Variants in LYPD6B observed in about 807,000 individuals in gnomAD.
LYPD6B encodes ly6/PLAUR domain-containing protein 6B.
A neutral mutation model predicts 22.8 loss-of-function variants in LYPD6B; 17 were observed. The ratio of observed to expected loss-of-function variants is 0.75; its 90% CI spans 0.51 to 1.12. The LOEUF is 1.12. Ranked by LOEUF, LYPD6B falls within the 50% of genes most tolerant of loss-of-function variation. LYPD6B has a pLI of 0.00. For missense variants in LYPD6B, 221 were observed against 258.3 expected, an observed-to-expected ratio of 0.86 and a Z score of 0.99; for synonymous variants, 106 against 91.6, an observed-to-expected ratio of 1.16 and a Z score of -0.90.
intron 1 of LYPD6B, among the ~76,000 whole-genome samples, chr2:149,069,763 A>G (rs1684513775): frequency 6.6e-6 from 1 of 152,202 alleles, no homozygotes; most frequent in East Asian, 1.9e-4. Flanking sequence ...CCAGTTGTCC[A>G]TAGTGCTGAG....
chr2:149,107,339 G>T (rs570292674), intron 1 of LYPD6B, among the ~76,000 whole-genome samples: 1 of 152,186 alleles, frequency 6.6e-6, no homozygotes, highest in African/African-American at 2.4e-5. Context: ...AAGCTGGACC[G>T]TGTGATATTT....
intron 3 of LYPD6B, among the ~76,000 whole-genome samples, chr2:149,185,785 A>C (rs1692057645): frequency 6.6e-6 from 1 of 152,318 alleles, no homozygotes; most frequent in Non-Finnish European, 1.5e-5. Context: ...TCTCTTCATC[A>C]CATTTTGGTA....
intron 3 of LYPD6B, among the ~76,000 whole-genome samples, chr2:149,189,353 TATATATATATATATAC>T (rs1471599117): frequency 1.1e-5 from 1 of 92,510 alleles, no homozygotes; most frequent in Non-Finnish European, 2.5e-5. Flanking sequence ...TATATATATA[TATATATATATATATAC>T]ACACACATAT....
intron 1 of LYPD6B, among the ~76,000 whole-genome samples, chr2:149,090,239 C>A (rs1685588850): frequency 6.6e-6 from 1 of 152,166 alleles, no homozygotes; most frequent in African/African-American, 2.4e-5. Flanking sequence ...TTTTGAAGGG[C>A]ATAAATCCAG....
At chr2:149,104,960 T>C (rs1525173) in intron 1 of LYPD6B, among the ~76,000 whole-genome samples, 56,068 of 152,062 alleles carry the variant, frequency 0.37, 10,748 homozygotes, top group Non-Finnish European at 0.39. Flanking sequence ...GGGTACGATG[T>C]GATGTTTCAA....
intron 3 of LYPD6B, among the ~76,000 whole-genome samples, chr2:149,184,654 C>T (rs944750155): frequency 6.6e-6 from 1 of 152,146 alleles, no homozygotes; most frequent in African/African-American, 2.4e-5. Context: ...TGTTGTTTTC[C>T]TGATGGAAGT....
rs186945807 is a variant in LYPD6B at position 149,162,067 on chromosome 2, A to G, written c.77+1232A>G. 2.0e-3 allele frequency among the ~76,000 whole-genome samples: 305 copies of G among 152,338 alleles called. 1 individual carries two copies. Among genetic ancestry groups the G allele is most frequent in the Non-Finnish European group, 3.4e-3 (231 of 68,028 alleles). ...GGATCAGAGGAATGACGGTCTAGTC[A>G]TAAGACATATGGGAACATTGGGTCA... On this transcript the variant is annotated intron_variant, in intron 3 of 6. Transcript: ENST00000409642.
intron 3 of LYPD6B, among the ~76,000 whole-genome samples, chr2:149,186,599 TTTTGTTTG>T (rs558641639): frequency 1.7e-3 from 264 of 152,214 alleles, no homozygotes; most frequent in African/African-American, 5.9e-3. Context: ...AACAACAGTT[TTTTGTTTG>T]TTTGTTTGTT....
chr2:149,119,932 C>T (rs976001512), intron 1 of LYPD6B, among the ~76,000 whole-genome samples: 1 of 145,448 alleles, frequency 6.9e-6, no homozygotes, highest in African/African-American at 2.5e-5. Context: ...TGGATGAAAG[C>T]AAAAAAAAAA....
intron 1 of LYPD6B, among the ~76,000 whole-genome samples, chr2:149,121,751 G>A (rs191790863): frequency 6.6e-6 from 1 of 152,258 alleles, no homozygotes; most frequent in Admixed American, 6.5e-5. Context: ...CAGGGCTGTG[G>A]AAGGACACAG....
At chr2:149,108,232 G>T (rs2105520970) in intron 1 of LYPD6B, among the ~76,000 whole-genome samples, 1 of 152,276 alleles carries the variant, frequency 6.6e-6, no homozygotes, top group Admixed American at 6.5e-5. Context: ...CTTCCACCAT[G>T]ATTGTAAGGC....
rs11462284 is a variant in LYPD6B at position 149,088,095 on chromosome 2, T to TCCC, written c.-66-42784_-66-42782dup. Among the ~76,000 whole-genome samples, 21 of 144,650 alleles carry TCCC rather than the reference T, an allele frequency of 1.5e-4. No homozygotes were observed. In the Middle Eastern group the frequency reaches 0.017, roughly 120 times the overall value. 94.9% of individuals were successfully genotyped at this position (144,650 alleles called of 152,430 possible). A position where few individuals can be genotyped will look rare whatever the true frequency, so the allele number is the denominator to read the frequency against. ...CCCTCCAGTAACCCCCTCCTGTTGC[T>TCCC]CCCCCCACCCAACTTTATGTCCCCT... On this transcript the variant is annotated intron_variant, in intron 1 of 6. Coordinates refer to ENST00000409642, the MANE Select transcript of LYPD6B (RefSeq NM_177964.5).
intron 3 of LYPD6B, among the ~76,000 whole-genome samples, chr2:149,199,036 C>T (rs564714305): frequency 2.4e-4 from 37 of 152,252 alleles, no homozygotes; most frequent in African/African-American, 8.4e-4. Context: ...AGCCAGTATG[C>T]GATGAAGCTG....
At chr2:149,103,291 T>C (rs1355807807) in intron 1 of LYPD6B, among the ~76,000 whole-genome samples, 1 of 152,176 alleles carries the variant, frequency 6.6e-6, no homozygotes, top group East Asian at 1.9e-4. Flanking sequence ...TCCTCTGATA[T>C]AATCTCAGAA....
At chr2:149,125,144 T>C (rs1687619813) in intron 1 of LYPD6B, among the ~76,000 whole-genome samples, 1 of 152,040 alleles carries the variant, frequency 6.6e-6, no homozygotes, top group Non-Finnish European at 1.5e-5. Context: ...ATCCCAAACC[T>C]CTGGATTGGT....
chr2:149,140,957 T>C (rs1688655846), intron 2 of LYPD6B, among the ~76,000 whole-genome samples: 1 of 152,214 alleles, frequency 6.6e-6, no homozygotes, highest in East Asian at 1.9e-4. Context: ...GCAAATTTTA[T>C]GATAGAGGCA....
chr2:149,206,030 G>A (rs747035598), intron 4 of LYPD6B: 19 of 468,372 alleles, frequency 4.1e-5, no homozygotes, highest in Middle Eastern at 3.4e-4. Flanking sequence ...CAAGTAAAAC[G>A]TCTTTGATAT....
At chr2:149,192,112 G>A (rs1301272238) in intron 3 of LYPD6B, among the ~76,000 whole-genome samples, 1 of 152,150 alleles carries the variant, frequency 6.6e-6, no homozygotes, top group African/African-American at 2.4e-5. Context: ...GCTCCAGGCA[G>A]ATCACAGGTC....
In LYPD6B at chr2:149,160,769, T is replaced by C; in HGVS notation, c.11T>C (p.Ile4Thr). 1 of 1,554,180 alleles carries C rather than the reference T, an allele frequency of 6.4e-7. No individual in the cohort carries two copies. Among genetic ancestry groups the C allele is most frequent in the Non-Finnish European group, 8.7e-7 (1 of 1,147,424 alleles). Residue 4 changes from isoleucine to threonine, a missense_variant, in exon 3 of 7, where the codon ATT becomes ACT. By Grantham distance (89) the Ile-to-Thr change is moderately conservative. Coordinates refer to ENST00000409642, the MANE Select transcript of LYPD6B (RefSeq NM_177964.5). ...TCTTTTTTTATCTCTGGTAGGCTGA[T>C]TACTCTGAGTGCAAACCTTTTCACT... Reference protein sequence around the residue: MLLITLSANLFTVP... With the variant: MLLTTLSANLFTVP...
Sources: gnomAD v4.1 joint callset for allele counts (sites outside exome capture counted in the v4.1 genomes callset) on GRCh38, gnomAD v4.1.1 for gene constraint, MANE v1.5 for transcripts, NCBI Gene and HGNC (gene_info 2026-07-23, HGNC 2026-07-21) for gene names.